The following ARSF variants were observed in gnomAD, a reference collection of about 807,000 sequenced individuals.
The protein encoded by ARSF is arylsulfatase F.
In ARSF, 33 loss-of-function variants were observed where a neutral mutation model predicts 35.4. The observed-to-expected ratio is 0.93, with a 90% CI of 0.71 to 1.25. The LOEUF is 1.25. ARSF is among the 50% of genes most tolerant of loss of function. The pLI, the probability that ARSF is intolerant of heterozygous loss-of-function variation, is 0.00. For missense variants in ARSF, 501 were observed against 480.2 expected, an observed-to-expected ratio of 1.04 and a Z score of -0.40; for synonymous variants, 222 against 193.1, an observed-to-expected ratio of 1.15 and a Z score of -1.24.
intron 1 of ARSF, among the ~76,000 whole-genome samples, chrX:3,054,044 G>A (rs898200737): frequency 4.5e-5 from 5 of 110,792 alleles, no homozygotes; most frequent in Non-Finnish European, 9.5e-5. Flanking sequence ...TTACAGGCAT[G>A]AGCCACTGCA....
intron 10 of ARSF, 35 bp from the exon 11 acceptor site, chrX:3,112,139 C>T (rs73635401): frequency 1.2e-4 from 134 of 1,121,180 alleles, no homozygotes; most frequent in African/African-American, 1.8e-4. Context: ...GGCTGAAGTG[C>T]GCATCATTTG....
chrX:3,100,691 G>A (rs1322893818), intron 7 of ARSF, among the ~76,000 whole-genome samples: 1 of 111,101 alleles, frequency 9.0e-6, no homozygotes, highest in African/African-American at 3.3e-5. Context: ...TCTGCCTCCC[G>A]GGTGTAAGCA....
intron 3 of ARSF, among the ~76,000 whole-genome samples, chrX:3,075,807 TTC>T (rs1231345089): frequency 1.9e-5 from 2 of 108,036 alleles, no homozygotes; most frequent in African/African-American, 6.8e-5. Context: ...TTCTGTGTCT[TTC>T]TCTCTTTCCT....
intron 4 of ARSF, among the ~76,000 whole-genome samples, chrX:3,077,426 G>A (rs1377550912): frequency 9.0e-6 from 1 of 111,666 alleles, no homozygotes; most frequent in Non-Finnish European, 1.9e-5. Context: ...ATCACTTGAG[G>A]TCAGGAGTTC....
chrX:3,091,052 CT>C (rs2090285923), intron 7 of ARSF, among the ~76,000 whole-genome samples: 1 of 14,627 alleles, frequency 6.8e-5, no homozygotes, highest in Non-Finnish European at 1.0e-4. Flanking sequence ...CTGGGGCTAT[CT>C]ATAGGCACAT....
intron 10 of ARSF, among the ~76,000 whole-genome samples, chrX:3,111,077 C>T (rs5983013): frequency 0.27 from 29,285 of 109,550 alleles, 3,070 homozygotes; most frequent in African/African-American, 0.37. Flanking sequence ...CTTGAGAAGA[C>T]GGAAGAAGAC....
chrX:3,056,691 C>T (rs958422640), intron 1 of ARSF, among the ~76,000 whole-genome samples: 2 of 111,793 alleles, frequency 1.8e-5, no homozygotes, highest in Non-Finnish European at 3.8e-5. Flanking sequence ...CAACCTGAAA[C>T]AGATGGAGGC....
intron 1 of ARSF, chrX:3,058,484 G>A (rs2090027971): frequency 7.4e-6 from 2 of 269,048 alleles, no homozygotes; most frequent in Admixed American, 3.7e-5. Context: ...CTCCTGAGTA[G>A]CCGGGACCAC....
intron 3 of ARSF, 122 bp downstream of exon 3, chrX:3,072,297 T>A: frequency 1.4e-6 from 1 of 710,747 alleles, no homozygotes; most frequent in Non-Finnish European, 2.0e-6. Flanking sequence ...TAAGTTACTT[T>A]AAACTTTTTG....
intron 7 of ARSF, 147 bp downstream of exon 7, chrX:3,089,779 A>C: frequency 3.4e-6 from 2 of 593,551 alleles, no homozygotes; most frequent in Non-Finnish European, 5.0e-6. Flanking sequence ...AATAGTTGCT[A>C]GCAATTGAGA....
chrX:3,060,027 C>T (rs771710530), intron 1 of ARSF, among the ~76,000 whole-genome samples: 1 of 112,173 alleles, frequency 8.9e-6, no homozygotes, highest in South Asian at 3.7e-4. Flanking sequence ...CTGGGAGACA[C>T]CTCCCAGTAG....
At chrX:3,069,282 TA>T (rs1305522562) in intron 2 of ARSF, among the ~76,000 whole-genome samples, 2 of 111,423 alleles carry the variant, frequency 1.8e-5, no homozygotes, top group African/African-American at 3.3e-5. Flanking sequence ...TTTATTTATT[TA>T]TTTTTTTGCT....
chrX:3,063,207 A>G (rs956757489), intron 1 of ARSF, among the ~76,000 whole-genome samples: 17 of 111,971 alleles, frequency 1.5e-4, no homozygotes, highest in African/African-American at 5.5e-4. Context: ...CAAAAACCAC[A>G]TGATTATCTC....
chrX:3,111,892 C>G (rs935985586), intron 10 of ARSF, among the ~76,000 whole-genome samples: 1 of 109,908 alleles, frequency 9.1e-6, no homozygotes, highest in African/African-American at 3.3e-5. Context: ...CACAATAGGT[C>G]TCGTGCTCTT....
chrX:3,094,461 T>C (rs936888633), intron 7 of ARSF, among the ~76,000 whole-genome samples: 26 of 112,359 alleles, frequency 2.3e-4, no homozygotes, highest in African/African-American at 8.1e-4. Flanking sequence ...AGCGAGAGGC[T>C]TTCATTGGAG....
At chrX:3,051,646 G>GA (rs2089997526) in intron 1 of ARSF, among the ~76,000 whole-genome samples, 1 of 111,245 alleles carries the variant, frequency 9.0e-6, no homozygotes, top group Non-Finnish European at 1.9e-5. Flanking sequence ...TATCTCTTAG[G>GA]AAAAAAGTGG....
chrX:3,111,511 A>G (rs192201824), intron 10 of ARSF, among the ~76,000 whole-genome samples: 22 of 110,717 alleles, frequency 2.0e-4, no homozygotes, highest in African/African-American at 5.6e-4. Flanking sequence ...CCTTCTAGCT[A>G]TTTGTAACTA....
At chrX:3,073,343 G>C (rs1006653933) in intron 3 of ARSF, among the ~76,000 whole-genome samples, 3 of 100,543 alleles carry the variant, frequency 3.0e-5, no homozygotes, top group African/African-American at 1.1e-4. Context: ...GGATATAAAG[G>C]CTTCTCTGCA....
At chrX:3,083,649 A>G (rs370168048) in intron 5 of ARSF, among the ~76,000 whole-genome samples, 3 of 111,341 alleles carry the variant, frequency 2.7e-5, no homozygotes. Context: ...CTAGCTAGCT[A>G]TATCTACATA....
Sources: gnomAD v4.1 joint callset for allele counts (sites outside exome capture counted in the v4.1 genomes callset) on GRCh38, gnomAD v4.1.1 for gene constraint, MANE v1.5 for transcripts, NCBI Gene and HGNC (gene_info 2026-07-23, HGNC 2026-07-21) for gene names.